Variants in DCDC1 observed in about 807,000 individuals in gnomAD.
DCDC1 encodes the protein doublecortin domain containing 1.
In DCDC1, 200 loss-of-function variants were observed where a neutral mutation model predicts 178.3. The observed-to-expected ratio is 1.12, with a 90% confidence interval of 1.00 to 1.26. The LOEUF is 1.26. DCDC1 is among the 50% of genes most tolerant of loss of function. DCDC1 has a pLI of 0.00. For missense variants in DCDC1, 1,983 were observed against 1,749.2 expected, an observed-to-expected ratio of 1.13 and a Z score of -2.38; for synonymous variants, 690 against 604.8, an observed-to-expected ratio of 1.14 and a Z score of -2.07.
At chr11:30,896,803 A>G (rs573748331) in intron 34 of DCDC1, among the ~76,000 whole-genome samples, 3 of 152,338 alleles carry the variant, frequency 2.0e-5, no homozygotes, top group Non-Finnish European at 2.9e-5. Context: ...TTACTTAATC[A>G]TGAAAACCCA....
chr11:30,904,668 A>G, intron 31 of DCDC1: 1 of 391,656 alleles, frequency 2.6e-6, no homozygotes, highest in Non-Finnish European at 4.7e-6. Context: ...CATTCAGTCT[A>G]TCACAAGAAG....
chr11:31,189,735 TTC>T (rs534091662), intron 9 of DCDC1, among the ~76,000 whole-genome samples: 124 of 152,244 alleles, frequency 8.1e-4, no homozygotes, highest in Non-Finnish European at 1.4e-3. Context: ...TCACATCCCC[TTC>T]TCTGACTCTG....
intron 3 of DCDC1, among the ~76,000 whole-genome samples, chr11:31,312,528 G>A (rs1221171323): frequency 6.6e-6 from 1 of 152,190 alleles, no homozygotes; most frequent in African/African-American, 2.4e-5. Context: ...ACCAAGTAAA[G>A]CAGATGGCCC....
chr11:31,038,791 T>C (rs1232383220), intron 20 of DCDC1, among the ~76,000 whole-genome samples: 1 of 152,022 alleles, frequency 6.6e-6, no homozygotes, highest in African/African-American at 2.4e-5. Flanking sequence ...AACAGGACAG[T>C]TCTCCTGGGG....
chr11:31,290,536 G>A, intron 7 of DCDC1, 111 bp downstream of exon 7: 1 of 1,180,594 alleles, frequency 8.5e-7, no homozygotes, highest in Non-Finnish European at 1.2e-6. Context: ...ATAATGTCTT[G>A]TTAATATTTC....
intron 18 of DCDC1, among the ~76,000 whole-genome samples, chr11:31,069,844 T>A (rs1189673905): frequency 6.6e-6 from 1 of 152,136 alleles, no homozygotes; most frequent in Non-Finnish European, 1.5e-5. Flanking sequence ...ATATAATATA[T>A]CCAGTGAAAT....
intron 1 of DCDC1, among the ~76,000 whole-genome samples, chr11:31,349,587 T>C (rs1950974923): frequency 6.6e-6 from 1 of 152,334 alleles, no homozygotes; most frequent in Non-Finnish European, 1.5e-5. Flanking sequence ...ATTAAGATTT[T>C]ACAAAATATA....
chr11:31,076,339 A>G (rs573372941), intron 18 of DCDC1, among the ~76,000 whole-genome samples: 7 of 151,446 alleles, frequency 4.6e-5, no homozygotes, highest in Admixed American at 1.3e-4. Context: ...TGTTTACTTA[A>G]TTTAATTTAA....
chr11:31,311,071 C>T (rs1478126654), intron 3 of DCDC1, among the ~76,000 whole-genome samples: 15 of 151,768 alleles, frequency 9.9e-5, no homozygotes, highest in Non-Finnish European at 1.5e-5. Context: ...ATGGCTTCTG[C>T]TAACTTCCTC....
rs530883135 is a variant in DCDC1 at position 31,190,429 on chromosome 11, G to A, written c.1221+51021C>T. On this transcript the variant is annotated intron_variant, in intron 9 of 38. Coordinates refer to ENST00000684477, the MANE Select transcript of DCDC1 (RefSeq NM_001387274.1). ...GGATCATGTTAATCACTGCATATAT[G>A]TGACTTAGTATCAATACACAGAATA... Among the ~76,000 whole-genome samples, 3 of 152,270 alleles carry A rather than the reference G, an allele frequency of 2.0e-5. No homozygotes were observed. The East Asian group carries it at 5.8e-4, about 29-fold the overall frequency.
chr11:31,004,399 C>A (rs534006020), intron 20 of DCDC1, among the ~76,000 whole-genome samples: 1 of 151,916 alleles, frequency 6.6e-6, no homozygotes, highest in South Asian at 2.1e-4. Context: ...TAATGGCTGG[C>A]CAGGAGATGC....
At chr11:31,205,135 A>G (rs1051772125) in intron 9 of DCDC1, among the ~76,000 whole-genome samples, 7 of 152,220 alleles carry the variant, frequency 4.6e-5, no homozygotes, top group Non-Finnish European at 1.0e-4. Flanking sequence ...ATATAAGATA[A>G]TCATATTATA....
At chr11:31,011,861 A>C (rs1428067485) in intron 20 of DCDC1, among the ~76,000 whole-genome samples, 1 of 152,216 alleles carries the variant, frequency 6.6e-6, no homozygotes, top group African/African-American at 2.4e-5. Flanking sequence ...AGATAGATTT[A>C]TATTTGTTAT....
chr11:31,107,170 G>C (rs538882456), intron 12 of DCDC1, among the ~76,000 whole-genome samples: 3 of 152,258 alleles, frequency 2.0e-5, no homozygotes, highest in African/African-American at 7.2e-5. Flanking sequence ...TAACCAGCAG[G>C]GGGGGCCACA....
chr11:30,969,387 T>G (rs964122220), intron 20 of DCDC1, among the ~76,000 whole-genome samples: 1 of 152,174 alleles, frequency 6.6e-6, no homozygotes, highest in Non-Finnish European at 1.5e-5. Context: ...AACCAAGGGA[T>G]GCTGGCAGCC....
chr11:30,891,323 A>G (rs1306145837), intron 36 of DCDC1, among the ~76,000 whole-genome samples: 1 of 152,190 alleles, frequency 6.6e-6, no homozygotes, highest in East Asian at 1.9e-4. Context: ...ATCATGGAAT[A>G]AGAGTCATGA....
At chr11:31,056,733 T>C in intron 20 of DCDC1, among the ~76,000 whole-genome samples, 1 of 152,136 alleles carries the variant, frequency 6.6e-6, no homozygotes, top group Non-Finnish European at 1.5e-5. Context: ...GGGGAATTTT[T>C]ACCATACATG....
At position 31,106,919 on chromosome 11, in the gene DCDC1, G is replaced by A. The variant is rs756553404; in HGVS notation, c.1629C>T (p.Ile543=). ...AAGAATAATTGAGGCCTGGTGGGTTGATGGAAGAACCTTGAAGCCTTTGAT... is the reference window on the plus strand; with the variant it reads ...AAGAATAATTGAGGCCTGGTGGGTTAATGGAAGAACCTTGAAGCCTTTGAT... ...KIHQRLQGSS[I]NPPGLNYSSM... The change falls in exon 13 of 39, where the codon ATC becomes ATT. Residue 543 remains isoleucine, a synonymous_variant. Coordinates refer to ENST00000684477, the MANE Select transcript of DCDC1 (RefSeq NM_001387274.1). 7 of 765,920 alleles carry A rather than the reference G, an allele frequency of 9.1e-6. No individual in the cohort carries two copies. The highest frequency in any genetic ancestry group is 1.7e-5 in the Admixed American group (1 of 58,900). The allele number at this position is 765,920 out of a possible 1,614,324, so 47.4% of individuals were successfully genotyped here. A position where few individuals can be genotyped will look rare whatever the true frequency, so the allele number is the denominator to read the frequency against.
chr11:31,206,998 A>T (rs959163844), intron 9 of DCDC1, among the ~76,000 whole-genome samples: 3 of 152,328 alleles, frequency 2.0e-5, no homozygotes, highest in Admixed American at 2.0e-4. Flanking sequence ...TTTGTCTATC[A>T]CTAAAAATGT....
Sources: allele counts gnomAD v4.1 joint callset (sites outside exome capture counted in the v4.1 genomes callset), GRCh38; gene constraint gnomAD v4.1.1; transcripts MANE v1.5; gene names NCBI Gene and HGNC (gene_info 2026-07-23, HGNC 2026-07-21).